Variants in ITIH2 observed in about 807,000 individuals in gnomAD.
ITIH2 encodes inter-alpha-trypsin inhibitor heavy chain H2.
In ITIH2, 103 loss-of-function variants were observed where a neutral mutation model predicts 104.4. The ratio of observed to expected loss-of-function variants is 0.99; its 90% CI spans 0.84 to 1.16. The LOEUF (loss-of-function observed/expected upper bound fraction) is 1.16, where lower values mean the gene tolerates loss of function less well. ITIH2 is among the 50% of genes most tolerant of loss of function. The pLI is 0.00. For synonymous variants in ITIH2, 436 were observed against 435.4 expected, an observed-to-expected ratio of 1.00 and a Z score of -0.02; for missense variants, 1,108 against 1,162.4, an observed-to-expected ratio of 0.95 and a Z score of 0.68.
rs561529230 is a variant in ITIH2, at chr10:7,739,116, T to C, written c.2095+358T>C. 9.8e-5 allele frequency among the ~76,000 whole-genome samples: 15 copies of C among 152,294 alleles called. No homozygotes were observed. The East Asian group carries it at 2.9e-3, about 29-fold the overall frequency. ...AGACTTCTTTGCCCTCCGTTGTCAATTTCTTTGCCTTTCCATTGACAACCT... is the reference window on the plus strand; with the variant it reads ...AGACTTCTTTGCCCTCCGTTGTCAACTTCTTTGCCTTTCCATTGACAACCT... On this transcript the variant is annotated intron_variant, in intron 16 of 20. Transcript: ENST00000358415.
intron 12 of ITIH2, 53 bp downstream of exon 12, chr10:7,730,186 C>T (rs1834989288): frequency 1.5e-6 from 2 of 1,311,852 alleles, no homozygotes; most frequent in East Asian, 2.3e-5. Context: ...CATTTAACTA[C>T]CCATATCTGA....
At chr10:7,742,976 A>C (rs151200352) in intron 16 of ITIH2, among the ~76,000 whole-genome samples, 170 bp from the exon 17 acceptor site, 314 of 152,318 alleles carry the variant, frequency 2.1e-3, no homozygotes, top group Non-Finnish European at 2.7e-3. Context: ...ACAAAGGGAC[A>C]ATGGAGTATG....
chr10:7,716,488 C>A (rs889257520), intron 5 of ITIH2, among the ~76,000 whole-genome samples: 19 of 152,084 alleles, frequency 1.2e-4, no homozygotes, highest in African/African-American at 4.6e-4. Flanking sequence ...ATAATCCCAG[C>A]ACTTTCAGAA....
intron 9 of ITIH2, 61 bp from the exon 10 acceptor site, chr10:7,726,889 T>C: frequency 7.4e-7 from 1 of 1,360,028 alleles, no homozygotes; most frequent in Non-Finnish European, 1.0e-6. Flanking sequence ...TTGGTCTTCC[T>C]AGTTCCTCTG....
intron 16 of ITIH2, among the ~76,000 whole-genome samples, chr10:7,740,986 A>G (rs918506229): frequency 2.0e-5 from 3 of 152,194 alleles, no homozygotes; most frequent in African/African-American, 7.2e-5. Flanking sequence ...GTCTTGAATT[A>G]TGTCAACTCA....
In ITIH2 at chr10:7,720,964, G is replaced by T; in HGVS notation, c.738+1G>T. ...GGTCATTTCTAAAGGACAACAGAAG[G>T]TACCCTGAGCCCTGTGTGTTGCCAG... is the stretch of plus-strand genomic sequence containing the variant. On this transcript the variant is annotated splice_donor_variant, in intron 7 of 20. Coordinates refer to ENST00000358415, the MANE Select transcript of ITIH2 (RefSeq NM_002216.3). LOFTEE classifies it high-confidence loss of function. The T allele has an allele frequency of 6.3e-7, 1 of 1,588,368 alleles. No individual in the cohort carries two copies. Among genetic ancestry groups the T allele is most frequent in the Non-Finnish European group, 8.6e-7 (1 of 1,156,666 alleles).
chr10:7,718,628 G>A (rs562837261), intron 6 of ITIH2, among the ~76,000 whole-genome samples: 1 of 152,234 alleles, frequency 6.6e-6, no homozygotes, highest in East Asian at 1.9e-4. Flanking sequence ...TCACCACCCA[G>A]GTAATGAGCA....
Position 7,744,161 on chromosome 10 carries a change from AT to A in ITIH2, c.2293del (p.Tyr765IlefsTer7), listed in dbSNP as rs764671900. ...KLSTYFGKLG[F>X]YFQSEDIKIE... ...TAAGCACCTATTTTGGAAAACTGGG[AT>A]TTTATTTCCAAAGTGAAGACATAAA... On this transcript the variant is annotated frameshift_variant, in exon 18 of 21. Coordinates refer to ENST00000358415, the MANE Select transcript of ITIH2 (RefSeq NM_002216.3). LOFTEE classifies it high-confidence loss of function. The A allele has an allele frequency of 1.2e-6, 2 of 1,614,040 alleles. 1 individual carries two copies. The highest frequency in any genetic ancestry group is 2.2e-5 in the South Asian group (2 of 91,076).
rs192338479 is a variant in ITIH2, at chr10:7,713,494, C to T, written c.467+209C>T. 1.2e-5 allele frequency: 6 copies of T among 508,582 alleles called. 1 individual carries two copies. The highest frequency in any genetic ancestry group is 5.0e-4 in the Middle Eastern group (1 of 2,008). 31.5% of individuals were successfully genotyped at this position (508,582 alleles called of 1,614,324 possible). A position where few individuals can be genotyped will look rare whatever the true frequency, so the allele number is the denominator to read the frequency against. On this transcript the variant is annotated intron_variant, in intron 5 of 20. Coordinates refer to ENST00000358415, the MANE Select transcript of ITIH2 (RefSeq NM_002216.3). ...CCAATGGGTTTTGGGTGATCCCACG[C>T]TGGTTGTGCTTACATCACTGTCTTG...
In ITIH2 at chr10:7,723,708, C is replaced by G. The variant is rs887598207; in HGVS notation, c.984+141C>G. ...TGGTTACAGACTGCCGGTGTCAACT[C>G]TTCCTAAAATTTTGCTATTATTGCA... is the stretch of plus-strand genomic sequence containing the variant. On this transcript the variant is annotated intron_variant, in intron 9 of 20. Transcript: ENST00000358415. The G allele has an allele frequency of 4.1e-5, 26 of 640,704 alleles. No homozygotes were observed. In the Admixed American group the frequency reaches 7.0e-4, roughly 17 times the overall value. The allele number at this position is 640,704 out of a possible 1,614,324, so 39.7% of individuals were successfully genotyped here. A position where few individuals can be genotyped will look rare whatever the true frequency, so the allele number is the denominator to read the frequency against.
intron 8 of ITIH2, among the ~76,000 whole-genome samples, chr10:7,722,913 A>C (rs1834917716): frequency 6.6e-6 from 1 of 152,210 alleles, no homozygotes; most frequent in Non-Finnish European, 1.5e-5. Context: ...GCTGGTTAGC[A>C]GGGCGCCTGG....
intron 6 of ITIH2, among the ~76,000 whole-genome samples, chr10:7,719,107 G>A (rs1834877573): frequency 6.6e-6 from 1 of 152,190 alleles, no homozygotes; most frequent in Non-Finnish European, 1.5e-5. Context: ...GACAGGTTGT[G>A]AATTGCCCGG....
At chr10:7,714,994 T>C (rs1834834374) in intron 5 of ITIH2, among the ~76,000 whole-genome samples, 1 of 152,232 alleles carries the variant, frequency 6.6e-6, no homozygotes, top group South Asian at 2.1e-4. Context: ...TGGGGAATCC[T>C]GGAACCAAAC....
At chr10:7,747,841 G>A (rs1835194272) in intron 20 of ITIH2, among the ~76,000 whole-genome samples, 2 of 152,192 alleles carry the variant, frequency 1.3e-5, no homozygotes, top group African/African-American at 4.8e-5. Flanking sequence ...CGAGGATGAA[G>A]TGACTTATGA....
chr10:7,743,324 G>A, intron 17 of ITIH2, 65 bp downstream of exon 17: 2 of 816,586 alleles, frequency 2.4e-6, no homozygotes, highest in Non-Finnish European at 2.0e-6. Flanking sequence ...GTCACTGCCT[G>A]GGATTTCTTT....
At chr10:7,717,507 T>G in intron 5 of ITIH2, 119 bp from the exon 6 acceptor site, 1 of 852,066 alleles carries the variant, frequency 1.2e-6, no homozygotes. Flanking sequence ...CTGTTCACTT[T>G]CATGAACTAC....
intron 3 of ITIH2, among the ~76,000 whole-genome samples, chr10:7,708,566 C>T (rs556148837): frequency 1.3e-5 from 2 of 152,174 alleles, no homozygotes; most frequent in Admixed American, 1.3e-4. Context: ...TGGTGGAGGC[C>T]ATATGTGTGT....
chr10:7,714,442 G>T (rs1232876415), intron 5 of ITIH2, among the ~76,000 whole-genome samples: 2 of 152,114 alleles, frequency 1.3e-5, no homozygotes, highest in East Asian at 3.9e-4. Context: ...AAACTGCTGG[G>T]ATTACAGGCG....
chr10:7,733,079 C>T (rs893139746), intron 14 of ITIH2, among the ~76,000 whole-genome samples: 3 of 151,784 alleles, frequency 2.0e-5, no homozygotes, highest in African/African-American at 4.8e-5. Flanking sequence ...ATCTATCATC[C>T]GTGTAATCAC....
Sources: allele counts gnomAD v4.1 joint callset (sites outside exome capture counted in the v4.1 genomes callset), GRCh38; gene constraint gnomAD v4.1.1; transcripts MANE v1.5; gene names NCBI Gene and HGNC (gene_info 2026-07-23, HGNC 2026-07-21).